DACH2: variants seen among roughly 807,000 people sequenced by gnomAD.
The protein encoded by DACH2 is dachshund family transcription factor 2.
A neutral mutation model predicts 35.8 loss-of-function variants in DACH2; 17 were observed. That is an observed-to-expected ratio of 0.48 (90% confidence interval 0.33 to 0.71). The LOEUF is 0.71. Among genes scored for constraint, DACH2 ranks in the 30% least tolerant of loss-of-function variants. The pLI, the probability that DACH2 is intolerant of heterozygous loss-of-function variation, is 0.02. For missense variants in DACH2, 469 were observed against 472.7 expected (o/e 0.99, Z 0.07); for synonymous variants, 195 against 177.3 (o/e 1.10, Z -0.79).
At chrX:86,637,495 C>T (rs1323728814) in intron 3 of DACH2, among the ~76,000 whole-genome samples, 1 of 111,146 alleles carries the variant, frequency 9.0e-6, no homozygotes, top group Non-Finnish European at 1.9e-5. Flanking sequence ...CATTGGTAGA[C>T]TGATTAAAGA....
At chrX:86,664,553 A>G (rs772269197) in intron 4 of DACH2, among the ~76,000 whole-genome samples, 1 of 112,281 alleles carries the variant, frequency 8.9e-6, no homozygotes, top group East Asian at 2.8e-4. Flanking sequence ...CACTTGCATG[A>G]ATATTTAAGG....
intron 2 of DACH2, among the ~76,000 whole-genome samples, chrX:86,474,707 A>G (rs1222287710): frequency 9.1e-6 from 1 of 110,326 alleles, no homozygotes; most frequent in East Asian, 2.8e-4. Context: ...TGTTCTATTG[A>G]TCTATGTTCT....
intron 6 of DACH2, among the ~76,000 whole-genome samples, chrX:86,738,460 T>C (rs983946966): frequency 8.9e-6 from 1 of 112,249 alleles, no homozygotes; most frequent in African/African-American, 3.2e-5. Flanking sequence ...AGAATAATGA[T>C]GTGATTACAG....
At chrX:86,510,516 G>A (rs1349365472) in intron 2 of DACH2, among the ~76,000 whole-genome samples, 1 of 111,852 alleles carries the variant, frequency 8.9e-6, no homozygotes, top group Non-Finnish European at 1.9e-5. Context: ...GAAGCTGGGT[G>A]AGTATTTCAT....
chrX:86,406,023 A>G (rs950664631), intron 2 of DACH2, among the ~76,000 whole-genome samples: 1 of 111,536 alleles, frequency 9.0e-6, no homozygotes, highest in African/African-American at 3.3e-5. Context: ...AAACTGCCCA[A>G]TGATTCAATT....
intron 2 of DACH2, among the ~76,000 whole-genome samples, chrX:86,473,412 T>C (rs1225875204): frequency 9.0e-6 from 1 of 110,707 alleles, no homozygotes; most frequent in Non-Finnish European, 1.9e-5. Context: ...ACAATTAAAT[T>C]ATTACTGACT....
rs1480879445 is a variant in DACH2 at position 86,429,539 on chromosome X, C to CTTTTCTTTTG, written c.527+52686_527+52687insGTTTTCTTTT. Among the ~76,000 whole-genome samples the CTTTTCTTTTG allele has an allele frequency of 3.9e-5, 4 of 101,624 alleles. No individual in the cohort carries two copies. In the Admixed American group the frequency reaches 4.3e-4, roughly 11 times the overall value. The allele number at this position is 101,624 out of a possible 115,157, so 88.2% of individuals were successfully genotyped here. ...AAAATGACTTTTCTAGAGTGCATTT[C>CTTTTCTTTTG]TTTTCTTTTCTTTTCTTTTCTTTTC... On this transcript the variant is annotated intron_variant, in intron 2 of 11. Coordinates refer to ENST00000373125, the MANE Select transcript of DACH2 (RefSeq NM_053281.3).
In DACH2 at chrX:86,516,609, T is replaced by C. The variant is rs2038471545; in HGVS notation, c.640+2218T>C. 4.5e-5 allele frequency among the ~76,000 whole-genome samples: 5 copies of C among 110,351 alleles called. No individual in the cohort carries two copies. The Admixed American group carries it at 4.8e-4, about 11-fold the overall frequency. On this transcript the variant is annotated intron_variant, in intron 3 of 11. Coordinates refer to ENST00000373125, the MANE Select transcript of DACH2 (RefSeq NM_053281.3). ...AGAACTGAGTTTCTTTTTTTTTTAA[T>C]TTTATTTAGTTTAATTAATTTATTT...
At chrX:86,289,565 TC>T (rs1317156053) in intron 1 of DACH2, among the ~76,000 whole-genome samples, 2 of 45,451 alleles carry the variant, frequency 4.4e-5, no homozygotes, top group East Asian at 9.3e-4. Context: ...ATGCTATCCC[TC>T]CCCCCTCCCC....
At chrX:86,196,420 CA>C (rs780929194) in intron 1 of DACH2, among the ~76,000 whole-genome samples, 88 of 110,492 alleles carry the variant, frequency 8.0e-4, no homozygotes, top group African/African-American at 2.6e-3. Context: ...AGGCTGGATG[CA>C]GTGGCTCACA....
At chrX:86,813,581 C>T (rs1301602896) in intron 9 of DACH2, among the ~76,000 whole-genome samples, 2 of 107,488 alleles carry the variant, frequency 1.9e-5, no homozygotes, top group African/African-American at 3.4e-5. Context: ...CACTGCACTC[C>T]AGCCTGGGCG....
intron 4 of DACH2, among the ~76,000 whole-genome samples, chrX:86,667,557 A>AAAG (rs1569463693): frequency 2.5e-3 from 172 of 70,091 alleles, no homozygotes; most frequent in African/African-American, 3.3e-3. Context: ...AGAAAGAAAG[A>AAAG]AAGAAAGAAA....
intron 11 of DACH2, among the ~76,000 whole-genome samples, chrX:86,826,423 T>C (rs1457916013): frequency 9.0e-6 from 1 of 111,329 alleles, no homozygotes; most frequent in East Asian, 2.8e-4. Flanking sequence ...GCCCAAATGG[T>C]TATTTTCAAG....
intron 3 of DACH2, among the ~76,000 whole-genome samples, chrX:86,536,945 G>A (rs2038810422): frequency 9.0e-6 from 1 of 110,703 alleles, no homozygotes; most frequent in Admixed American, 9.6e-5. Context: ...ACAGTTCTAG[G>A]GTCTTGTGGA....
At chrX:86,831,186 A>G (rs773551727) in intron 11 of DACH2, 1 of 111,640 alleles carries the variant, frequency 9.0e-6, no homozygotes, top group East Asian at 2.8e-4. Context: ...TATTATACAC[A>G]AGGTTAAAAA....
At chrX:86,509,428 G>T (rs781331009) in intron 2 of DACH2, among the ~76,000 whole-genome samples, 1 of 111,514 alleles carries the variant, frequency 9.0e-6, no homozygotes, top group Admixed American at 9.6e-5. Context: ...TGCCCATTTT[G>T]CATGGATGAC....
chrX:86,530,301 C>T (rs886243810), intron 3 of DACH2, among the ~76,000 whole-genome samples: 6 of 111,649 alleles, frequency 5.4e-5, no homozygotes, highest in African/African-American at 3.3e-5. Flanking sequence ...AAGTTTGTCC[C>T]AATCATAGTT....
chrX:86,744,273 A>G (rs2041687275), intron 7 of DACH2, among the ~76,000 whole-genome samples: 1 of 111,038 alleles, frequency 9.0e-6, no homozygotes, highest in African/African-American at 3.3e-5. Flanking sequence ...GGCATATTAA[A>G]CTGCACCCCA....
chrX:86,618,669 A>T (rs970920440), intron 3 of DACH2, among the ~76,000 whole-genome samples: 2 of 112,178 alleles, frequency 1.8e-5, no homozygotes, highest in East Asian at 5.6e-4. Context: ...CCAAATAGAT[A>T]TATGTGATAA....
Sources: gnomAD v4.1 joint callset for allele counts (sites outside exome capture counted in the v4.1 genomes callset) on GRCh38, gnomAD v4.1.1 for gene constraint, MANE v1.5 for transcripts, NCBI Gene and HGNC (gene_info 2026-07-23, HGNC 2026-07-21) for gene names.